MSH4: variants seen among roughly 807,000 people sequenced by gnomAD.
MSH4 encodes the protein mutS homolog 4, also known as mutS protein homolog 4.
In MSH4, 106 loss-of-function variants were observed where a neutral mutation model predicts 113.7. The ratio of observed to expected loss-of-function variants is 0.93; its 90% confidence interval spans 0.80 to 1.10. The LOEUF is 1.10. Among genes scored for constraint, MSH4 ranks in the 50% least tolerant of loss-of-function variants. The pLI is 0.00. For missense variants in MSH4, 1,061 were observed against 1,093.7 expected (o/e 0.97, Z 0.42); for synonymous variants, 368 against 380.2 (o/e 0.97, Z 0.37).
chr1:75,835,024 T>A (rs1371627936), intron 7 of MSH4, among the ~76,000 whole-genome samples: 1 of 152,244 alleles, frequency 6.6e-6, no homozygotes, highest in Non-Finnish European at 1.5e-5. Flanking sequence ...TTCTTAAATC[T>A]GTAGTTGGAA....
chr1:75,854,266 A>G (rs1416389832), intron 8 of MSH4, among the ~76,000 whole-genome samples: 1 of 151,900 alleles, frequency 6.6e-6, no homozygotes, highest in Non-Finnish European at 1.5e-5. Context: ...TGATATATTC[A>G]GGAGGAATAC....
At chr1:75,892,736 A>G (rs1357496562) in intron 17 of MSH4, among the ~76,000 whole-genome samples, 1 of 151,982 alleles carries the variant, frequency 6.6e-6, no homozygotes, top group Non-Finnish European at 1.5e-5. Context: ...CCCATCACAT[A>G]CTTGGTGAGG....
intron 7 of MSH4, among the ~76,000 whole-genome samples, chr1:75,838,092 A>C (rs1220808468): frequency 1.3e-5 from 2 of 152,180 alleles, no homozygotes; most frequent in African/African-American, 4.8e-5. Flanking sequence ...AACAACACGA[A>C]TGTATTATCT....
intron 8 of MSH4, among the ~76,000 whole-genome samples, chr1:75,863,348 A>G (rs1349679173): frequency 6.6e-6 from 1 of 152,208 alleles, no homozygotes; most frequent in African/African-American, 2.4e-5. Context: ...CCTAGTTGCA[A>G]ACTAACTAGT....
At chr1:75,857,939 C>G (rs4949885) in intron 8 of MSH4, among the ~76,000 whole-genome samples, 31,962 of 152,070 alleles carry the variant, frequency 0.21, 3,538 homozygotes, top group Middle Eastern at 0.28. Context: ...TGTCTTATTT[C>G]TTTGAGCAGT....
intron 8 of MSH4, among the ~76,000 whole-genome samples, chr1:75,852,713 G>A (rs185903174): frequency 2.6e-5 from 4 of 152,142 alleles, no homozygotes; most frequent in African/African-American, 9.6e-5. Flanking sequence ...AAATTGGGTT[G>A]TTTGTATTTT....
At chr1:75,814,913 AT>A (rs1650264475) in intron 4 of MSH4, 107 bp from the exon 5 acceptor site, 3 of 639,722 alleles carry the variant, frequency 4.7e-6, no homozygotes, top group African/African-American at 3.8e-5. Context: ...AAATGTTGAA[AT>A]TTTTATACAA....
Position 75,803,863 on chromosome 1 carries a change from A to G in MSH4, c.377A>G (p.Asn126Ser). 3.1e-6 allele frequency: 5 copies of G among 1,598,384 alleles called. No individual in the cohort carries two copies. The highest frequency in any genetic ancestry group is 2.6e-6 in the Non-Finnish European group (3 of 1,173,438). ...CTTAAAACTCCATTGTCTACTGGAAATCCTCAGAGATCAGGTTATAAGAGC... is the reference window on the plus strand; with the variant it reads ...CTTAAAACTCCATTGTCTACTGGAAGTCCTCAGAGATCAGGTTATAAGAGC... ...QTLKTPLSTG[N>S]PQRSGYKSWT... Residue 126 changes from asparagine (N) to serine (S), a missense_variant, in exon 2 of 20, where the codon AAT becomes AGT. Physicochemically the swap from Asn to Ser is conservative, Grantham distance 46. Transcript: ENST00000263187.
chr1:75,869,617 CA>C (rs1331552804), intron 9 of MSH4, among the ~76,000 whole-genome samples: 1 of 152,148 alleles, frequency 6.6e-6, no homozygotes, highest in Non-Finnish European at 1.5e-5. Context: ...TAAAAGTGGC[CA>C]ACACACAGCT....
chr1:75,853,539 A>G (rs1271447143), intron 8 of MSH4, among the ~76,000 whole-genome samples: 2 of 152,146 alleles, frequency 1.3e-5, no homozygotes, highest in East Asian at 3.9e-4. Context: ...CACAATTATG[A>G]TTCCCCCATT....
At chr1:75,893,577 C>T (rs564674290) in intron 17 of MSH4, among the ~76,000 whole-genome samples, 1 of 152,258 alleles carries the variant, frequency 6.6e-6, no homozygotes, top group South Asian at 2.1e-4. Flanking sequence ...GGCATCCCAG[C>T]CAATGCTGAG....
intron 15 of MSH4, among the ~76,000 whole-genome samples, chr1:75,886,590 A>C (rs1416250957): frequency 8.0e-6 from 1 of 124,582 alleles, no homozygotes; most frequent in Non-Finnish European, 1.6e-5. Context: ...ATAATATATA[A>C]TGTATTATAT....
At chr1:75,859,098 T>G (rs1209984446) in intron 8 of MSH4, among the ~76,000 whole-genome samples, 1 of 152,226 alleles carries the variant, frequency 6.6e-6, no homozygotes, top group Non-Finnish European at 1.5e-5. Context: ...TTCTGTGGGA[T>G]CGATGGTGAT....
chr1:75,801,166 T>C (rs1280854955), intron 1 of MSH4, among the ~76,000 whole-genome samples: 1 of 152,232 alleles, frequency 6.6e-6, no homozygotes, highest in Non-Finnish European at 1.5e-5. Context: ...TTTATTTATG[T>C]ATTATCTATG....
chr1:75,829,307 C>A (rs1383997070), intron 7 of MSH4, among the ~76,000 whole-genome samples: 1 of 152,160 alleles, frequency 6.6e-6, no homozygotes, highest in Admixed American at 6.5e-5. Context: ...TGGGTGGAGC[C>A]CACCGCAGCT....
chr1:75,806,932 A>C, intron 2 of MSH4, 49 bp from the exon 3 acceptor site: 1 of 1,463,750 alleles, frequency 6.8e-7, no homozygotes, highest in South Asian at 1.4e-5. Context: ...TAAAAAAAGA[A>C]ATGATTATTA....
chr1:75,843,206 G>C (rs1294099471), intron 7 of MSH4, among the ~76,000 whole-genome samples: 1 of 152,106 alleles, frequency 6.6e-6, no homozygotes, highest in Non-Finnish European at 1.5e-5. Context: ...CTTTTGCTTT[G>C]TATCCAATAA....
intron 2 of MSH4, 142 bp downstream of exon 2, chr1:75,804,055 A>G: frequency 2.0e-6 from 1 of 504,000 alleles, no homozygotes. Flanking sequence ...ACCTCTATCC[A>G]TAATTTGAGT....
At chr1:75,910,138 C>T (rs1652757243) in intron 19 of MSH4, among the ~76,000 whole-genome samples, 2 of 152,060 alleles carry the variant, frequency 1.3e-5, no homozygotes, top group African/African-American at 4.8e-5. Flanking sequence ...TTACTGCAAA[C>T]TTATCAAAAG....
Sources: gnomAD v4.1 joint callset for allele counts (sites outside exome capture counted in the v4.1 genomes callset) on GRCh38, gnomAD v4.1.1 for gene constraint, MANE v1.5 for transcripts, NCBI Gene and HGNC (gene_info 2026-07-23, HGNC 2026-07-21) for gene names.